Variants in TAOK1 observed in about 807,000 individuals in gnomAD.
TAOK1 encodes serine/threonine-protein kinase TAO1.
TAOK1 carries 21 observed loss-of-function variants against 138.3 expected under a neutral mutation model. The observed-to-expected ratio is 0.15, with a 90% CI of 0.11 to 0.22. TAOK1 has a LOEUF of 0.22. Ranked by LOEUF, TAOK1 falls within the 10% of genes least tolerant of loss-of-function variation. TAOK1 has a pLI of 1.00. For synonymous variants in TAOK1, 361 were observed against 398.4 expected (o/e 0.91, Z 1.12); for missense variants, 651 against 1,227.7 (o/e 0.53, Z 7.02).
At chr17:29,481,675 A>G (rs1177401645) in intron 7 of TAOK1, among the ~76,000 whole-genome samples, 1 of 151,414 alleles carries the variant, frequency 6.6e-6, no homozygotes, top group Admixed American at 6.6e-5. Flanking sequence ...ATCTCACACT[A>G]TGGGCCAGGT....
chr17:29,444,706 C>G (rs553195690), intron 1 of TAOK1, among the ~76,000 whole-genome samples: 45 of 152,246 alleles, frequency 3.0e-4, no homozygotes, highest in Middle Eastern at 3.4e-3. Context: ...TCCTCTTGGA[C>G]TTTTGAGATT....
At chr17:29,507,708 T>C (rs939401518) in intron 13 of TAOK1, among the ~76,000 whole-genome samples, 188 bp from the exon 14 acceptor site, 8 of 152,202 alleles carry the variant, frequency 5.3e-5, no homozygotes, top group Non-Finnish European at 1.0e-4. Context: ...TAGGTTCTTT[T>C]ATATCCCCAT....
In TAOK1 at chr17:29,542,956, G is replaced by A. The variant is rs143934731; in HGVS notation, c.2940G>A (p.Gln980=). ...RRTASGGRTE[Q]GMSRSTSVTS... The stretch of plus-strand genomic sequence containing the variant: ...CAGCTTCTGGGGGACGGACGGAGCA[G>A]GGCATGAGCAGAAGCACGAGTGTCA... The change falls in exon 20 of 20, where the codon CAG becomes CAA. Residue 980 remains glutamine, a synonymous_variant. Transcript: ENST00000261716. 1 of 1,612,662 alleles carries A rather than the reference G, an allele frequency of 6.2e-7. No individual in the cohort carries two copies. The highest frequency in any genetic ancestry group is 1.3e-5 in the African/African-American group (1 of 75,048).
intron 15 of TAOK1, 92 bp downstream of exon 15, chr17:29,511,084 T>C: frequency 3.1e-6 from 4 of 1,277,390 alleles, no homozygotes; most frequent in Non-Finnish European, 4.2e-6. Context: ...GATAAAATTA[T>C]CTTTTGTTGT....
At chr17:29,466,626 C>T (rs528928177) in intron 2 of TAOK1, among the ~76,000 whole-genome samples, 37 of 152,136 alleles carry the variant, frequency 2.4e-4, no homozygotes, top group African/African-American at 8.7e-4. Flanking sequence ...TGGGATAGCT[C>T]TTCTATTTTT....
intron 1 of TAOK1, among the ~76,000 whole-genome samples, chr17:29,434,139 G>A (rs1426577979): frequency 1.3e-5 from 2 of 152,288 alleles, no homozygotes; most frequent in African/African-American, 2.4e-5. Flanking sequence ...CCAAAAACCC[G>A]ACTGGTAAAG....
chr17:29,505,448 T>C (rs2031613375), intron 13 of TAOK1, among the ~76,000 whole-genome samples: 1 of 152,096 alleles, frequency 6.6e-6, no homozygotes, highest in Non-Finnish European at 1.5e-5. Flanking sequence ...ACAGCTCTAA[T>C]CCCAGCACTT....
chr17:29,507,888 A>G lies in TAOK1; in HGVS notation c.1339-8A>G. ...TTCTTCTTTTCCTTACATTATTTGT[A>G]TGTCTAGGTTACGAGGCAAATGCAA... On this transcript the variant is annotated splice_region_variant and splice_polypyrimidine_tract_variant and intron_variant, in intron 13 of 19. Transcript: ENST00000261716. 1 of 1,607,024 alleles carries G rather than the reference A, an allele frequency of 6.2e-7. No homozygotes were observed. Among genetic ancestry groups the G allele is most frequent in the Non-Finnish European group, 8.5e-7 (1 of 1,176,194 alleles).
intron 1 of TAOK1, among the ~76,000 whole-genome samples, chr17:29,426,102 G>A (rs1225642516): frequency 1.3e-5 from 2 of 152,008 alleles, no homozygotes; most frequent in East Asian, 1.9e-4. Flanking sequence ...GGATGGTCTC[G>A]ATCTCCTGAC....
intron 1 of TAOK1, among the ~76,000 whole-genome samples, chr17:29,448,395 T>C (rs2030149295): frequency 6.6e-6 from 1 of 152,234 alleles, no homozygotes; most frequent in Non-Finnish European, 1.5e-5. Flanking sequence ...CATATAACTT[T>C]TTTTCCAAAT....
chr17:29,487,104 C>T (rs1390540994), intron 8 of TAOK1, among the ~76,000 whole-genome samples: 1 of 152,050 alleles, frequency 6.6e-6, no homozygotes, highest in Non-Finnish European at 1.5e-5. Flanking sequence ...CAAAAATTAG[C>T]TGGGCATGGT....
Position 29,464,161 on chromosome 17 carries a change from C to T in TAOK1, c.133-2984C>T, listed in dbSNP as rs1008733919. Among the ~76,000 whole-genome samples, 35 of 151,788 alleles carry T rather than the reference C, an allele frequency of 2.3e-4. 1 individual carries two copies. The highest frequency in any genetic ancestry group is 2.2e-3 in the Admixed American group (33 of 15,224). ...ATAGCTAAAGAGTTTATGGGCCAGG[C>T]GCGGTGGCTCACGCCTGTAATCCCA... is the stretch of plus-strand genomic sequence containing the variant. On this transcript the variant is annotated intron_variant, in intron 2 of 19. Transcript: ENST00000261716.
At chr17:29,457,036 T>C (rs2030396455) in intron 2 of TAOK1, among the ~76,000 whole-genome samples, 1 of 147,168 alleles carries the variant, frequency 6.8e-6, no homozygotes, top group Non-Finnish European at 1.5e-5. Flanking sequence ...TCTGGCCATA[T>C]AGTTCTATTT....
chr17:29,418,930 C>CTTTTTTT (rs35692060), intron 1 of TAOK1, among the ~76,000 whole-genome samples: 1 of 105,500 alleles, frequency 9.5e-6, no homozygotes, highest in Non-Finnish European at 1.8e-5. Flanking sequence ...GGGTGCTTTG[C>CTTTTTTT]TTTTTTTTTT....
At chr17:29,399,339 G>A (rs189699944) in intron 1 of TAOK1, among the ~76,000 whole-genome samples, 3 of 151,986 alleles carry the variant, frequency 2.0e-5, no homozygotes, top group Admixed American at 2.0e-4. Context: ...ATTTTGAGAC[G>A]GAGTCTCGCT....
intron 1 of TAOK1, among the ~76,000 whole-genome samples, chr17:29,397,827 A>G (rs949884924): frequency 4.0e-5 from 6 of 150,820 alleles, no homozygotes; most frequent in Admixed American, 2.7e-4. Context: ...ATATACATGT[A>G]TATATATGTG....
chr17:29,477,760 T>C, intron 5 of TAOK1, 54 bp downstream of exon 5: 1 of 1,127,702 alleles, frequency 8.9e-7, no homozygotes, highest in South Asian at 2.5e-5. Flanking sequence ...AAATGATAAT[T>C]TAGACATTAT....
intron 1 of TAOK1, among the ~76,000 whole-genome samples, chr17:29,431,015 T>C (rs1598478384): frequency 6.6e-6 from 1 of 152,304 alleles, no homozygotes; most frequent in South Asian, 2.1e-4. Context: ...TGGATACCTA[T>C]GCTGTTATAG....
intron 1 of TAOK1, among the ~76,000 whole-genome samples, chr17:29,433,028 G>A (rs1304034347): frequency 1.3e-5 from 2 of 152,124 alleles, no homozygotes; most frequent in Admixed American, 1.3e-4. Flanking sequence ...CGTAAGTGTT[G>A]GGATTATAGG....
Sources: gnomAD v4.1 joint callset for allele counts (sites outside exome capture counted in the v4.1 genomes callset) on GRCh38, gnomAD v4.1.1 for gene constraint, MANE v1.5 for transcripts, NCBI Gene and HGNC (gene_info 2026-07-23, HGNC 2026-07-21) for gene names.